The following MGAT5 variants were observed in gnomAD, a reference collection of about 807,000 sequenced individuals.
MGAT5 encodes alpha-1,6-mannosylglycoprotein 6-beta-N-acetylglucosaminyltransferase.
A neutral mutation model predicts 94.3 loss-of-function variants in MGAT5; 30 were observed. That is an observed-to-expected ratio of 0.32 (90% CI 0.24 to 0.43). The LOEUF (loss-of-function observed/expected upper bound fraction) is 0.43. Ranked by LOEUF, MGAT5 falls within the 20% of genes least tolerant of loss-of-function variation. The pLI is 1.00. For synonymous variants in MGAT5, 310 were observed against 322.9 expected (o/e 0.96, Z 0.43); for missense variants, 691 against 905.5 (o/e 0.76, Z 3.04).
intron 1 of MGAT5, among the ~76,000 whole-genome samples, chr2:134,138,159 T>G (rs907176296): frequency 2.0e-5 from 3 of 152,188 alleles, no homozygotes; most frequent in Non-Finnish European, 4.4e-5. Context: ...AGGCCTAATT[T>G]TTAAAGTGAG....
intron 1 of MGAT5, among the ~76,000 whole-genome samples, chr2:134,150,172 C>T (rs1687106148): frequency 6.6e-6 from 1 of 152,190 alleles, no homozygotes; most frequent in Non-Finnish European, 1.5e-5. Context: ...TGGCAGAATG[C>T]TGAGCACTTA....
chr2:134,186,831 T>C (rs773739502), intron 1 of MGAT5, among the ~76,000 whole-genome samples: 5 of 152,102 alleles, frequency 3.3e-5, no homozygotes, highest in Non-Finnish European at 7.3e-5. Context: ...GGAGGTACAG[T>C]GATGAATAAA....
At chr2:134,126,083 G>A (rs574073386) in intron 1 of MGAT5, among the ~76,000 whole-genome samples, 2 of 152,332 alleles carry the variant, frequency 1.3e-5, no homozygotes, top group African/African-American at 4.8e-5. Flanking sequence ...AAAGAGAGCA[G>A]AGGCCACACA....
chr2:134,124,610 G>C (rs1558944571), intron 1 of MGAT5, among the ~76,000 whole-genome samples: 1 of 152,234 alleles, frequency 6.6e-6, no homozygotes, highest in Non-Finnish European at 1.5e-5. Context: ...TGGCATTAAT[G>C]CCTGCTGGAC....
intron 10 of MGAT5, among the ~76,000 whole-genome samples, chr2:134,366,596 GC>G (rs1163479282): frequency 1.3e-5 from 2 of 152,194 alleles, no homozygotes; most frequent in African/African-American, 4.8e-5. Flanking sequence ...CAGGTTCCTA[GC>G]CTGTAAAGTT....
intron 14 of MGAT5, among the ~76,000 whole-genome samples, chr2:134,436,586 T>C (rs1313533001): frequency 6.6e-6 from 1 of 152,128 alleles, no homozygotes; most frequent in African/African-American, 2.4e-5. Flanking sequence ...ACATCTCCCA[T>C]GGTTTGGGCC....
chr2:134,376,836 G>A (rs775373904), intron 10 of MGAT5, among the ~76,000 whole-genome samples: 44 of 152,110 alleles, frequency 2.9e-4, no homozygotes, highest in Non-Finnish European at 5.9e-4. Context: ...CCCTGAAAAC[G>A]GTACTCATTT....
At chr2:134,410,299 A>G (rs1323301125) in intron 11 of MGAT5, among the ~76,000 whole-genome samples, 1 of 152,208 alleles carries the variant, frequency 6.6e-6, no homozygotes, top group Non-Finnish European at 1.5e-5. Flanking sequence ...ATTTGACCTT[A>G]ATACATCTGC....
intron 1 of MGAT5, among the ~76,000 whole-genome samples, chr2:134,170,888 T>G (rs1451727028): frequency 1.3e-5 from 2 of 151,702 alleles, no homozygotes; most frequent in Non-Finnish European, 1.5e-5. Flanking sequence ...AGACGGAATA[T>G]TGCTCTGTCA....
At chr2:134,310,855 A>T (rs140683493) in intron 2 of MGAT5, among the ~76,000 whole-genome samples, 1 of 152,304 alleles carries the variant, frequency 6.6e-6, no homozygotes, top group East Asian at 1.9e-4. Flanking sequence ...AAGCCAGCTG[A>T]TGGAGGTGCT....
chr2:134,329,235 T>C (rs1687812988), intron 4 of MGAT5, among the ~76,000 whole-genome samples: 1 of 151,886 alleles, frequency 6.6e-6, no homozygotes, highest in Non-Finnish European at 1.5e-5. Flanking sequence ...AGGCAAACAG[T>C]GTAGGAGTTG....
At chr2:134,139,665 G>A (rs764319162) in intron 1 of MGAT5, among the ~76,000 whole-genome samples, 14 of 152,284 alleles carry the variant, frequency 9.2e-5, no homozygotes, top group Admixed American at 2.6e-4. Flanking sequence ...TTATTTGTTC[G>A]CAGTGTCATG....
chr2:134,146,485 A>G lies in MGAT5; in HGVS notation c.-143+26194A>G, dbSNP rs145234873. On this transcript the variant is annotated intron_variant, in intron 1 of 16. Transcript: ENST00000409645. ...TGAGGTGGTAGTGTCTTTTGAGCCC[A>G]GGAGGTTGAGGCTGCAGTGAGCTAT... is the stretch of plus-strand genomic sequence containing the variant. Among the ~76,000 whole-genome samples the G allele has an allele frequency of 1.2e-3, 182 of 152,140 alleles. 2 individuals carry two copies. The East Asian group carries it at 0.032, about 27-fold the overall frequency.
Position 134,325,029 on chromosome 2 carries a change from A to T in MGAT5, c.573+6290A>T, listed in dbSNP as rs1211530853. ...AGAATTTAAAAAAAAAAAAATCCTG[A>T]GTTTACAGAACAGTATTTGTTAGTC... On this transcript the variant is annotated intron_variant, in intron 4 of 15. Transcript: ENST00000281923. Among the ~76,000 whole-genome samples, 5 of 151,028 alleles carry T rather than the reference A, an allele frequency of 3.3e-5. 1 individual carries two copies. Among genetic ancestry groups the T allele is most frequent in the Admixed American group, 6.6e-5 (1 of 15,138 alleles).
chr2:134,143,178 G>A (rs1238719689), intron 1 of MGAT5, among the ~76,000 whole-genome samples: 1 of 152,130 alleles, frequency 6.6e-6, no homozygotes, highest in Non-Finnish European at 1.5e-5. Context: ...GTTGCTGGGG[G>A]CAGGGGCATG....
At chr2:134,331,809 A>G (rs1347487219) in intron 4 of MGAT5, among the ~76,000 whole-genome samples, 4 of 152,146 alleles carry the variant, frequency 2.6e-5, no homozygotes, top group Admixed American at 1.3e-4. Context: ...GACTTGAAAT[A>G]GAACCATTTT....
chr2:134,254,508 G>A lies in MGAT5; in HGVS notation c.105G>A (p.Gln35=). Residue 35 remains glutamine (Q), a synonymous_variant, in exon 1 of 16, where the codon CAG becomes CAA. Coordinates refer to ENST00000281923, the MANE Select transcript of MGAT5 (RefSeq NM_002410.5). The part of the protein sequence containing the change: ...WGMMLLHFTI[Q]QRTQPESSSM... ...TGATGCTTCTGCACTTTACCATCCAGCAGCGAACTCAGCCTGAAAGCAGCT... is the reference window on the plus strand; with the variant it reads ...TGATGCTTCTGCACTTTACCATCCAACAGCGAACTCAGCCTGAAAGCAGCT... 6.2e-7 allele frequency: 1 copy of A among 1,614,208 alleles called. No homozygotes were observed. Among genetic ancestry groups the A allele is most frequent in the Non-Finnish European group, 8.5e-7 (1 of 1,180,024 alleles).
At chr2:134,304,299 C>T (rs893280307) in intron 2 of MGAT5, among the ~76,000 whole-genome samples, 1 of 152,148 alleles carries the variant, frequency 6.6e-6, no homozygotes, top group Non-Finnish European at 1.5e-5. Flanking sequence ...AGTTGCTCTC[C>T]TATCCGGATG....
At position 134,408,869 on chromosome 2, in the gene MGAT5, A is replaced by C. The variant is rs141711394; in HGVS notation, c.1531-4000A>C. 6.4e-3 allele frequency among the ~76,000 whole-genome samples: 979 copies of C among 152,338 alleles called. 4 individuals are homozygous for C. The highest frequency in any genetic ancestry group is 0.01 in the Non-Finnish European group (708 of 68,034). The stretch of plus-strand genomic sequence containing the variant: ...GCCTATTACCAGAAACATTAATATA[A>C]TGATTCCCAGTCATTGTATAAAAAT... On this transcript the variant is annotated intron_variant, in intron 11 of 15. Transcript: ENST00000281923.
Sources: allele counts gnomAD v4.1 joint callset (sites outside exome capture counted in the v4.1 genomes callset), GRCh38; gene constraint gnomAD v4.1.1; transcripts MANE v1.5; gene names NCBI Gene and HGNC (gene_info 2026-07-23, HGNC 2026-07-21).